Variants in CCDC3 observed in about 807,000 individuals in gnomAD.
CCDC3 encodes the protein coiled-coil domain-containing protein 3.
CCDC3 carries 24 observed loss-of-function variants against 21.4 expected under a neutral mutation model. The observed-to-expected ratio is 1.12, with a 90% CI of 0.81 to 1.58. The LOEUF (loss-of-function observed/expected upper bound fraction) is 1.58. Ranked by LOEUF, CCDC3 falls within the 40% of genes most tolerant of loss-of-function variation. The pLI, the probability that CCDC3 is intolerant of heterozygous loss-of-function variation, is 0.00. For synonymous variants in CCDC3, 186 were observed against 166.0 expected (o/e 1.12, Z -0.93); for missense variants, 425 against 360.9 (o/e 1.18, Z -1.44).
chr10:13,053,476 G>C (rs748550733), intron 4 of CCDC3, among the ~76,000 whole-genome samples: 1 of 151,986 alleles, frequency 6.6e-6, no homozygotes, highest in Non-Finnish European at 1.5e-5. Flanking sequence ...AGGATTGCTT[G>C]AGCCCAGGAG....
At chr10:13,022,265 T>C (rs1836156477) in intron 5 of CCDC3, among the ~76,000 whole-genome samples, 1 of 152,260 alleles carries the variant, frequency 6.6e-6, no homozygotes, top group African/African-American at 2.4e-5. Flanking sequence ...TTTTCACCCC[T>C]TCCACACCTA....
intron 1 of CCDC3, among the ~76,000 whole-genome samples, chr10:13,000,721 C>A (rs1489026615): frequency 6.6e-6 from 1 of 152,192 alleles, no homozygotes; most frequent in Non-Finnish European, 1.5e-5. Context: ...CTCACTCAAC[C>A]AGCCCTGTCT....
chr10:12,912,832 C>T (rs1834290940), intron 2 of CCDC3, among the ~76,000 whole-genome samples: 1 of 152,154 alleles, frequency 6.6e-6, no homozygotes, highest in African/African-American at 2.4e-5. Flanking sequence ...CACGTAGATA[C>T]TCAATTTTTC....
At chr10:12,937,976 T>G (rs1348204638) in intron 2 of CCDC3, among the ~76,000 whole-genome samples, 1 of 152,196 alleles carries the variant, frequency 6.6e-6, no homozygotes, top group African/African-American at 2.4e-5. Context: ...TTCATTCTTA[T>G]GCCTTCAACC....
chr10:13,052,985 CAT>C (rs1192449865), intron 4 of CCDC3, among the ~76,000 whole-genome samples: 45 of 80,184 alleles, frequency 5.6e-4, no homozygotes, highest in Admixed American at 1.9e-3. Flanking sequence ...CACACACACA[CAT>C]ACACACACAC....
At chr10:13,047,002 T>A (rs1358944819) in intron 5 of CCDC3, among the ~76,000 whole-genome samples, 1 of 150,868 alleles carries the variant, frequency 6.6e-6, no homozygotes, top group Non-Finnish European at 1.5e-5. Context: ...AACCCAGATA[T>A]CTGTTCACCC....
At chr10:12,969,809 T>C (rs1042273860) in intron 2 of CCDC3, among the ~76,000 whole-genome samples, 1 of 151,058 alleles carries the variant, frequency 6.6e-6, no homozygotes, top group Non-Finnish European at 1.5e-5. Context: ...TGTGACAACA[T>C]GGATGAACCT....
At chr10:12,900,522 C>CAAAAAAAAA (rs10716235) in intron 2 of CCDC3, among the ~76,000 whole-genome samples, 267 of 75,792 alleles carry the variant, frequency 3.5e-3, no homozygotes, top group African/African-American at 6.0e-3. Context: ...ACTAAAAATA[C>CAAAAAAAAA]AAAAAAAAAA....
chr10:13,005,971 C>T (rs1348553985), upstream of CCDC3, among the ~76,000 whole-genome samples: 1 of 152,186 alleles, frequency 6.6e-6, no homozygotes, highest in Non-Finnish European at 1.5e-5. Flanking sequence ...GGAGGAGTGA[C>T]AATTGAGCCC....
chr10:13,017,477 A>T (rs11591596), intron 5 of CCDC3, among the ~76,000 whole-genome samples: 1 of 144,914 alleles, frequency 6.9e-6, no homozygotes, highest in Admixed American at 7.3e-5. Flanking sequence ...AGACTGCGCC[A>T]CTGCACTCAT....
intron 3 of CCDC3, among the ~76,000 whole-genome samples, chr10:13,086,907 C>T (rs1304712861): frequency 6.6e-6 from 1 of 152,134 alleles, no homozygotes; most frequent in Admixed American, 6.5e-5. Flanking sequence ...TGCCTACAAG[C>T]CCTGGGCTAA....
intron 2 of CCDC3, among the ~76,000 whole-genome samples, chr10:12,989,678 TC>T (rs1835651679): frequency 6.6e-6 from 1 of 152,032 alleles, no homozygotes; most frequent in Non-Finnish European, 1.5e-5. Flanking sequence ...CACCTCAGTC[TC>T]CCAAAGTGTT....
Position 12,898,346 on chromosome 10 carries a change from T to C in CCDC3, c.*70A>G, listed in dbSNP as rs1834032854. Reference sequence around the variant, plus strand: ...TCTTACAACCCTTGAAATAGCTGCATGTACGAAACCTCACTCATTCTCAAT... The same window carrying C: ...TCTTACAACCCTTGAAATAGCTGCACGTACGAAACCTCACTCATTCTCAAT... On this transcript the variant is annotated 3_prime_UTR_variant, in exon 3 of 3. Transcript: ENST00000378825. 3 of 1,436,196 alleles carry C rather than the reference T, an allele frequency of 2.1e-6. No individual in the cohort carries two copies. The highest frequency in any genetic ancestry group is 2.7e-5 in the South Asian group (2 of 73,158). 89.0% of individuals were successfully genotyped at this position (1,436,196 alleles called of 1,614,324 possible).
chr10:12,899,150 C>T (rs1405016260), intron 2 of CCDC3, among the ~76,000 whole-genome samples: 2 of 151,946 alleles, frequency 1.3e-5, no homozygotes, highest in African/African-American at 2.4e-5. Context: ...TCAGCAAAAA[C>T]AGACTCTCTT....
chr10:12,932,202 T>C (rs1834657343), intron 2 of CCDC3, among the ~76,000 whole-genome samples: 2 of 152,240 alleles, frequency 1.3e-5, no homozygotes, highest in African/African-American at 4.8e-5. Context: ...AATGTGTTTT[T>C]AATTTCAAAT....
At chr10:12,981,984 G>A (rs949295576) in intron 2 of CCDC3, among the ~76,000 whole-genome samples, 12 of 151,716 alleles carry the variant, frequency 7.9e-5, no homozygotes, top group African/African-American at 2.4e-4. Context: ...TTAGCTGGGC[G>A]TGGTGGCATG....
intron 4 of CCDC3, chr10:13,058,419 CG>C (rs1259461662): frequency 1.2e-6 from 1 of 800,978 alleles, no homozygotes; most frequent in East Asian, 2.4e-5. Context: ...ACCTTCACAC[CG>C]TATTTTGGCA....
At chr10:12,969,772 A>T (rs1019643751) in intron 2 of CCDC3, among the ~76,000 whole-genome samples, 4 of 146,510 alleles carry the variant, frequency 2.7e-5, no homozygotes, top group Admixed American at 6.8e-5. Context: ...ATTCATTCTT[A>T]AAAAAAAAAG....
intron 2 of CCDC3, among the ~76,000 whole-genome samples, chr10:12,929,706 G>C (rs1356991301): frequency 6.6e-6 from 1 of 152,140 alleles, no homozygotes; most frequent in African/African-American, 2.4e-5. Flanking sequence ...AGGCCCCAAA[G>C]CCGAGCCCAT....
Sources: allele counts gnomAD v4.1 joint callset (sites outside exome capture counted in the v4.1 genomes callset), GRCh38; gene constraint gnomAD v4.1.1; transcripts MANE v1.5; gene names NCBI Gene and HGNC (gene_info 2026-07-23, HGNC 2026-07-21).